Variants in STARD13 observed in about 807,000 individuals in gnomAD.
The protein encoded by STARD13 is stAR-related lipid transfer protein 13.
Under a neutral mutation model 106.4 loss-of-function variants are expected in STARD13, and 62 were observed. That is an observed-to-expected ratio of 0.58 (90% CI 0.48 to 0.72). The LOEUF (loss-of-function observed/expected upper bound fraction) is 0.72. Among genes scored for constraint, STARD13 ranks in the 30% least tolerant of loss-of-function variants. STARD13 has a pLI of 0.00. For synonymous variants in STARD13, 565 were observed against 553.0 expected (o/e 1.02, Z -0.31); for missense variants, 1,387 against 1,424.0 (o/e 0.97, Z 0.42).
At chr13:33,643,793 C>T in the STARD13 span, among the ~76,000 whole-genome samples, 1 of 152,334 alleles carries the variant, frequency 6.6e-6, no homozygotes, top group African/African-American at 2.4e-5. Context: ...CAACAACTCT[C>T]CTAACTCAGA....
chr13:33,594,462 A>C, the STARD13 span, among the ~76,000 whole-genome samples: 6 of 152,238 alleles, frequency 3.9e-5, no homozygotes, highest in Admixed American at 2.6e-4. Context: ...GTTAGACCTT[A>C]TTAAAATATT....
the STARD13 span, among the ~76,000 whole-genome samples, chr13:33,639,072 AAGT>A: frequency 6.6e-6 from 1 of 152,182 alleles, no homozygotes; most frequent in Admixed American, 6.5e-5. Flanking sequence ...TTCTGCTCTC[AAGT>A]AGTTTGCAGC....
chr13:33,171,609 C>G (rs1883968385), intron 1 of STARD13, among the ~76,000 whole-genome samples: 4 of 152,184 alleles, frequency 2.6e-5, no homozygotes, highest in Admixed American at 1.3e-4. Flanking sequence ...ATCACCACCA[C>G]CCACATAAGG....
chr13:33,650,412 G>A, the STARD13 span, among the ~76,000 whole-genome samples: 2 of 151,044 alleles, frequency 1.3e-5, no homozygotes, highest in African/African-American at 2.4e-5. Context: ...GGATGGTCTC[G>A]ATCTCCTGAC....
the STARD13 span, among the ~76,000 whole-genome samples, chr13:33,427,754 G>C: frequency 6.6e-6 from 1 of 152,160 alleles, no homozygotes; most frequent in East Asian, 1.9e-4. Flanking sequence ...TCAGGAGTTC[G>C]AGACCAGCCT....
intron 1 of STARD13, among the ~76,000 whole-genome samples, chr13:33,335,666 C>T (rs548515078): frequency 1.3e-5 from 2 of 152,370 alleles, no homozygotes; most frequent in Non-Finnish European, 2.9e-5. Flanking sequence ...CTGTGCCATA[C>T]GCACAGCAAG....
the STARD13 span, among the ~76,000 whole-genome samples, chr13:33,396,577 C>G: frequency 6.6e-6 from 1 of 152,088 alleles, no homozygotes; most frequent in South Asian, 2.1e-4. Context: ...TTATATTATT[C>G]TACCCCATTT....
chr13:33,422,668 G>C, the STARD13 span, among the ~76,000 whole-genome samples: 48 of 152,298 alleles, frequency 3.2e-4, no homozygotes, highest in African/African-American at 1.2e-3. Flanking sequence ...CAAAGCTGGA[G>C]GCATCATGCT....
the STARD13 span, among the ~76,000 whole-genome samples, chr13:33,434,915 AAGG>A: frequency 6.6e-6 from 1 of 151,264 alleles, no homozygotes; most frequent in Admixed American, 6.6e-5. Flanking sequence ...GGAAGGAAGG[AAGG>A]AAGGAAGGAA....
the STARD13 span, among the ~76,000 whole-genome samples, chr13:33,433,130 C>A: frequency 6.6e-6 from 1 of 152,136 alleles, no homozygotes; most frequent in Non-Finnish European, 1.5e-5. Context: ...ATTGATACTT[C>A]GGTGCTTCTG....
rs371968479 is a variant in STARD13 at position 33,126,077 on chromosome 13, C to G, written c.2082+4G>C. ...GGGCAGCAGCGGGGGGGTTACAGCCCTACCTGATCGAGGCAGTTGCTGCGT... is the reference window on the plus strand; with the variant it reads ...GGGCAGCAGCGGGGGGGTTACAGCCGTACCTGATCGAGGCAGTTGCTGCGT... On this transcript the variant is annotated splice_donor_region_variant and intron_variant, in intron 7 of 13. Coordinates refer to ENST00000336934, the MANE Select transcript of STARD13 (RefSeq NM_178006.4). 5 of 1,613,480 alleles carry G rather than the reference C, an allele frequency of 3.1e-6. No individual in the cohort carries two copies. The African/African-American group carries it at 4.0e-5, about 13-fold the overall frequency.
chr13:33,296,660 C>G (rs1322470132), intron 1 of STARD13, among the ~76,000 whole-genome samples: 1 of 152,182 alleles, frequency 6.6e-6, no homozygotes, highest in Non-Finnish European at 1.5e-5. Flanking sequence ...CTCTTGTCAT[C>G]CAGGCTGGAG....
the STARD13 span, among the ~76,000 whole-genome samples, chr13:33,427,620 A>G: frequency 6.6e-6 from 1 of 152,188 alleles, no homozygotes; most frequent in Non-Finnish European, 1.5e-5. Flanking sequence ...GTAGTTATAT[A>G]CAGGTATTGA....
At chr13:33,148,984 A>G (rs1384683694) in intron 3 of STARD13, among the ~76,000 whole-genome samples, 1 of 152,226 alleles carries the variant, frequency 6.6e-6, no homozygotes, top group Non-Finnish European at 1.5e-5. Flanking sequence ...CTATGATCCA[A>G]CTATATAGCA....
the STARD13 span, among the ~76,000 whole-genome samples, chr13:33,497,985 A>G: frequency 1.3e-5 from 2 of 152,216 alleles, no homozygotes; most frequent in Non-Finnish European, 2.9e-5. Context: ...CATGTGCATC[A>G]ATAACAACCA....
At chr13:33,254,396 T>C (rs1164474540) in intron 1 of STARD13, among the ~76,000 whole-genome samples, 2 of 152,180 alleles carry the variant, frequency 1.3e-5, no homozygotes, top group East Asian at 3.9e-4. Context: ...TGCTGATTTG[T>C]TGAGTATTGT....
At chr13:33,412,339 C>T in the STARD13 span, among the ~76,000 whole-genome samples, 1 of 151,946 alleles carries the variant, frequency 6.6e-6, no homozygotes, top group Non-Finnish European at 1.5e-5. Context: ...ACGAGATACC[C>T]TCAAAAACAC....
the STARD13 span, among the ~76,000 whole-genome samples, chr13:33,556,769 T>A: frequency 2.0e-5 from 3 of 152,090 alleles, no homozygotes; most frequent in Non-Finnish European, 4.4e-5. Flanking sequence ...CATACAACTT[T>A]TTTTGTGTGT....
At chr13:33,353,385 C>T (rs2078098087), upstream of STARD13, among the ~76,000 whole-genome samples, 4 of 152,110 alleles carry the variant, frequency 2.6e-5, no homozygotes. Flanking sequence ...GTGCATGGAC[C>T]ATTGGACACT....
Sources: gnomAD v4.1 joint callset for allele counts (sites outside exome capture counted in the v4.1 genomes callset) on GRCh38, gnomAD v4.1.1 for gene constraint, MANE v1.5 for transcripts, NCBI Gene and HGNC (gene_info 2026-07-23, HGNC 2026-07-21) for gene names.